Variants in NELL1 observed in about 807,000 individuals in gnomAD.
NELL1 encodes the protein neural EGFL like 1.
In NELL1, 76 loss-of-function variants were observed where a neutral mutation model predicts 107.4. The ratio of observed to expected loss-of-function variants is 0.71; its 90% confidence interval spans 0.59 to 0.86. The LOEUF is 0.86. Among genes scored for constraint, NELL1 ranks in the 40% least tolerant of loss-of-function variants. The pLI is 0.00. For synonymous variants in NELL1, 353 were observed against 341.2 expected, an observed-to-expected ratio of 1.03 and a Z score of -0.38; for missense variants, 1,024 against 1,005.5, an observed-to-expected ratio of 1.02 and a Z score of -0.25.
chr11:21,521,327 G>A (rs1415804608), intron 15 of NELL1, among the ~76,000 whole-genome samples: 2 of 151,154 alleles, frequency 1.3e-5, no homozygotes, highest in African/African-American at 4.9e-5. Flanking sequence ...TTTGATATCT[G>A]TTTAATTCTG....
At chr11:20,811,443 A>G (rs1857499981) in intron 3 of NELL1, among the ~76,000 whole-genome samples, 1 of 151,868 alleles carries the variant, frequency 6.6e-6, no homozygotes, top group African/African-American at 2.4e-5. Context: ...GAGGTTCCAT[A>G]TTAATTTTAG....
intron 15 of NELL1, among the ~76,000 whole-genome samples, chr11:21,448,252 T>C (rs1853490142): frequency 6.6e-6 from 1 of 152,188 alleles, no homozygotes; most frequent in African/African-American, 2.4e-5. Flanking sequence ...GGGAGGACTA[T>C]CAGTGGAGAC....
intron 2 of NELL1, among the ~76,000 whole-genome samples, chr11:20,725,281 C>G (rs1214975453): frequency 6.6e-6 from 1 of 152,342 alleles, no homozygotes; most frequent in Admixed American, 6.5e-5. Flanking sequence ...ACATCCACTT[C>G]CCCAGACTTC....
Position 21,335,344 on chromosome 11 carries a change from T to C in NELL1, c.1550-35509T>C, listed in dbSNP as rs79368015. 6.5e-3 allele frequency among the ~76,000 whole-genome samples: 991 copies of C among 152,176 alleles called. 11 individuals carry two copies. Among genetic ancestry groups the C allele is most frequent in the African/African-American group, 0.022 (917 of 41,566 alleles). ...TAACTATTTCCTCTCTCTCTCTCTA[T>C]TTTTCTCACTTTCCTATTACTTGTG... On this transcript the variant is annotated intron_variant, in intron 14 of 19. Coordinates refer to ENST00000357134, the MANE Select transcript of NELL1 (RefSeq NM_006157.5).
intron 15 of NELL1, among the ~76,000 whole-genome samples, chr11:21,399,350 A>C (rs1215073373): frequency 6.6e-6 from 1 of 151,674 alleles, no homozygotes; most frequent in Admixed American, 6.6e-5. Context: ...AGGTATTGCA[A>C]TGTGTTAGCT....
chr11:21,534,993 A>G (rs1458424206), intron 16 of NELL1, among the ~76,000 whole-genome samples: 3 of 152,184 alleles, frequency 2.0e-5, no homozygotes, highest in African/African-American at 7.2e-5. Context: ...AACAAGATAC[A>G]TATATTAAGA....
chr11:20,988,883 C>T (rs899685143), intron 12 of NELL1, among the ~76,000 whole-genome samples: 2 of 151,998 alleles, frequency 1.3e-5, no homozygotes, highest in African/African-American at 4.8e-5. Context: ...CCACCGTGCC[C>T]GGCCGAGGTT....
intron 4 of NELL1, among the ~76,000 whole-genome samples, chr11:20,867,679 G>C (rs1042094440): frequency 6.6e-6 from 1 of 152,096 alleles, no homozygotes; most frequent in Non-Finnish European, 1.5e-5. Flanking sequence ...AAGAGCATAC[G>C]GTGTGCATAT....
At chr11:21,141,802 C>T (rs949141452) in intron 13 of NELL1, among the ~76,000 whole-genome samples, 8 of 151,644 alleles carry the variant, frequency 5.3e-5, no homozygotes, top group African/African-American at 1.2e-4. Context: ...TTGCTCCTGT[C>T]GCCCAGGCTG....
chr11:21,148,668 A>G (rs1400610281), intron 13 of NELL1, among the ~76,000 whole-genome samples: 1 of 152,064 alleles, frequency 6.6e-6, no homozygotes, highest in African/African-American at 2.4e-5. Context: ...CCCCCTGCAC[A>G]CCTTTCACAC....
At chr11:20,824,410 G>A (rs766091268) in intron 3 of NELL1, among the ~76,000 whole-genome samples, 6 of 151,216 alleles carry the variant, frequency 4.0e-5, no homozygotes, top group Non-Finnish European at 8.9e-5. Flanking sequence ...CTGAAAATGT[G>A]GAAGCAACTT....
intron 14 of NELL1, among the ~76,000 whole-genome samples, chr11:21,329,272 T>C (rs1191936263): frequency 6.6e-6 from 1 of 152,096 alleles, no homozygotes; most frequent in Non-Finnish European, 1.5e-5. Context: ...CAGGATGGTT[T>C]TATAAGGGGC....
At chr11:20,930,543 T>G (rs1850596793) in intron 9 of NELL1, among the ~76,000 whole-genome samples, 1 of 152,204 alleles carries the variant, frequency 6.6e-6, no homozygotes. Context: ...ATAACATGTT[T>G]TGTATAGAAA....
chr11:21,294,862 C>T (rs928518252), intron 14 of NELL1, among the ~76,000 whole-genome samples: 1 of 151,996 alleles, frequency 6.6e-6, no homozygotes, highest in South Asian at 2.1e-4. Context: ...GAAAAAAATA[C>T]TATAGACTCA....
Position 21,483,480 on chromosome 11 carries a change from A to G in NELL1, c.1646-50894A>G, listed in dbSNP as rs79820735. ...TGTAGGTCTAGATCTCCCAAATCCA[A>G]TGATTTTAATATTGTCATTGTCTGA... On this transcript the variant is annotated intron_variant, in intron 15 of 19. Transcript: ENST00000357134. Among the ~76,000 whole-genome samples the G allele has an allele frequency of 0.02, 3,049 of 152,196 alleles. 262 individuals carry two copies. In the East Asian group the frequency reaches 0.27, roughly 14 times the overall value.
intron 15 of NELL1, among the ~76,000 whole-genome samples, chr11:21,455,831 CCCTTTTACTTTTTCTTTTCT>C (rs923836863): frequency 2.0e-5 from 3 of 151,162 alleles, no homozygotes; most frequent in Non-Finnish European, 4.4e-5. Context: ...TTTTTTGACC[CCCTTTTACTTTTTCTTTTCT>C]TTTCTTACTT....
intron 12 of NELL1, among the ~76,000 whole-genome samples, chr11:21,041,378 T>C (rs1157424848): frequency 6.6e-6 from 1 of 152,216 alleles, no homozygotes; most frequent in African/African-American, 2.4e-5. Flanking sequence ...ATTCCATGGA[T>C]ATTGAGTTCA....
chr11:21,360,105 A>G (rs1423837199), intron 14 of NELL1, among the ~76,000 whole-genome samples: 3 of 152,004 alleles, frequency 2.0e-5, no homozygotes, highest in Non-Finnish European at 4.4e-5. Flanking sequence ...GCTCTTTCAG[A>G]CTTTTTGATG....
chr11:21,116,628 T>C (rs967996669), intron 13 of NELL1, among the ~76,000 whole-genome samples: 1 of 151,986 alleles, frequency 6.6e-6, no homozygotes, highest in African/African-American at 2.4e-5. Context: ...CCAATTTTTC[T>C]AGCCAAAAAT....
Sources: gnomAD v4.1 joint callset for allele counts (sites outside exome capture counted in the v4.1 genomes callset) on GRCh38, gnomAD v4.1.1 for gene constraint, MANE v1.5 for transcripts, NCBI Gene and HGNC (gene_info 2026-07-23, HGNC 2026-07-21) for gene names.